The following LRRC8D variants were observed in gnomAD, a reference collection of about 807,000 sequenced individuals.
LRRC8D encodes the protein leucine rich repeat containing 8 VRAC subunit D, also known as volume-regulated anion channel subunit LRRC8D.
A neutral mutation model predicts 55.8 loss-of-function variants in LRRC8D; 20 were observed. The ratio of observed to expected loss-of-function variants is 0.36; its 90% CI spans 0.25 to 0.52. The LOEUF (loss-of-function observed/expected upper bound fraction) is 0.52. LRRC8D is among the 20% of genes least tolerant of loss of function. LRRC8D has a pLI of 0.93. For synonymous variants in LRRC8D, 352 were observed against 377.0 expected, an observed-to-expected ratio of 0.93 and a Z score of 0.77; for missense variants, 651 against 1,030.8, an observed-to-expected ratio of 0.63 and a Z score of 5.05.
chr1:89,931,760 AAAAT>A (rs1008916758), intron 2 of LRRC8D, among the ~76,000 whole-genome samples: 26 of 152,142 alleles, frequency 1.7e-4, no homozygotes, highest in Middle Eastern at 6.8e-3. Context: ...CTCTGTCTCA[AAAAT>A]AAATAAATAA....
chr1:89,935,234 A>G lies in LRRC8D; in HGVS notation c.2166A>G (p.Pro722=), dbSNP rs1308717397. The G allele has an allele frequency of 6.2e-7, 1 of 1,614,138 alleles. No homozygotes were observed. The highest frequency in any genetic ancestry group is 1.1e-5 in the South Asian group (1 of 91,064). Residue 722 remains proline, a synonymous_variant, in exon 3 of 3, where the codon CCA becomes CCG. Transcript: ENST00000337338. ...CTAACAACAAGCTCGAATCCTTACC[A>G]GTGGCAGTATTTAGTTTACAGAAAC... ...YFSNNKLESL[P]VAVFSLQKLR...
At chr1:89,853,916 TTGTG>T (rs1339004720) in intron 2 of LRRC8D, among the ~76,000 whole-genome samples, 1 of 151,118 alleles carries the variant, frequency 6.6e-6, no homozygotes, top group Non-Finnish European at 1.5e-5. Context: ...TTGCGAGGAG[TTGTG>T]TGTATGTGTG....
rs148630744 is a variant in LRRC8D at position 89,835,639 on chromosome 1, G to A, written c.-147-7999G>A. On this transcript the variant is annotated intron_variant, in intron 1 of 2. Transcript: ENST00000337338. ...CATGAGCTCTGTAGTTTACTGCCTG[G>A]GTTTTTACTCTGCCTTTCTAGCCAT... 8.5e-3 allele frequency among the ~76,000 whole-genome samples: 1,300 copies of A among 152,190 alleles called. 20 individuals carry two copies. The highest frequency in any genetic ancestry group is 0.031 in the African/African-American group (1,269 of 41,514).
At chr1:89,925,991 A>G (rs753406327) in intron 2 of LRRC8D, among the ~76,000 whole-genome samples, 18 of 152,250 alleles carry the variant, frequency 1.2e-4, no homozygotes, top group Non-Finnish European at 2.1e-4. Context: ...GGATAGCATT[A>G]AAGTTATTTG....
At chr1:89,930,513 T>C (rs1438690307) in intron 2 of LRRC8D, among the ~76,000 whole-genome samples, 1 of 152,102 alleles carries the variant, frequency 6.6e-6, no homozygotes, top group East Asian at 1.9e-4. Context: ...CCATCATATA[T>C]GCAGTCCATT....
intron 1 of LRRC8D, 21 bp downstream of exon 1, chr1:89,821,312 G>C (rs1252160117): frequency 6.6e-6 from 1 of 152,026 alleles, no homozygotes; most frequent in Non-Finnish European, 1.5e-5. Flanking sequence ...ACCTCTCCCG[G>C]CAGGGGCCGG....
chr1:89,853,920 G>A (rs944954691), intron 2 of LRRC8D, among the ~76,000 whole-genome samples: 4 of 152,162 alleles, frequency 2.6e-5, no homozygotes, highest in Non-Finnish European at 5.9e-5. Flanking sequence ...GAGGAGTTGT[G>A]TGTATGTGTG....
At chr1:89,865,074 C>A (rs1028411652) in intron 2 of LRRC8D, among the ~76,000 whole-genome samples, 1 of 152,164 alleles carries the variant, frequency 6.6e-6, no homozygotes, top group African/African-American at 2.4e-5. Context: ...CATTGATTTG[C>A]CTTTTCTAAT....
intron 2 of LRRC8D, among the ~76,000 whole-genome samples, chr1:89,856,310 A>G (rs931746728): frequency 6.6e-6 from 1 of 152,188 alleles, no homozygotes; most frequent in African/African-American, 2.4e-5. Flanking sequence ...TGAAAAAGGC[A>G]TCTGCTACAG....
At chr1:89,835,651 G>A (rs1188958786) in intron 1 of LRRC8D, among the ~76,000 whole-genome samples, 1 of 152,156 alleles carries the variant, frequency 6.6e-6, no homozygotes, top group Non-Finnish European at 1.5e-5. Flanking sequence ...TTTTTACTCT[G>A]CCTTTCTAGC....
At chr1:89,831,548 G>A (rs1035352184) in intron 1 of LRRC8D, among the ~76,000 whole-genome samples, 2 of 152,114 alleles carry the variant, frequency 1.3e-5, no homozygotes, top group Non-Finnish European at 2.9e-5. Context: ...GGGAAGATTT[G>A]TTCATATCTT....
rs1408056326 is a variant in LRRC8D, at chr1:89,935,695, C to T, written c.*50C>T. On this transcript the variant is annotated 3_prime_UTR_variant, in exon 3 of 3. Transcript: ENST00000337338. ...TGTGCAGGAACAACTTCCTAGATTG[C>T]AAGTGCTCACGTACAAGTTATTACA... 1 of 1,520,738 alleles carries T rather than the reference C, an allele frequency of 6.6e-7. No homozygotes were observed. Among genetic ancestry groups the T allele is most frequent in the African/African-American group, 1.4e-5 (1 of 73,080 alleles). The allele number at this position is 1,520,738 out of a possible 1,614,324, so 94.2% of individuals were successfully genotyped here.
chr1:89,886,298 C>CG (rs112575462), intron 2 of LRRC8D, among the ~76,000 whole-genome samples: 3,872 of 152,198 alleles, frequency 0.025, 159 homozygotes, highest in African/African-American at 0.089. Context: ...GAGCCCCGGA[C>CG]GGGGGAGGTC....
chr1:89,850,349 G>T (rs1661382006), intron 2 of LRRC8D, among the ~76,000 whole-genome samples: 1 of 152,162 alleles, frequency 6.6e-6, no homozygotes, highest in Non-Finnish European at 1.5e-5. Context: ...TGTCATGGGG[G>T]TTTGTTATAC....
At chr1:89,825,606 G>A (rs974754695) in intron 1 of LRRC8D, among the ~76,000 whole-genome samples, 3 of 152,182 alleles carry the variant, frequency 2.0e-5, no homozygotes, top group African/African-American at 7.2e-5. Context: ...TTTAGTGACA[G>A]CCTTATATTT....
At chr1:89,881,847 A>G (rs1009414960) in intron 2 of LRRC8D, among the ~76,000 whole-genome samples, 1 of 152,144 alleles carries the variant, frequency 6.6e-6, no homozygotes, top group Non-Finnish European at 1.5e-5. Context: ...TTGGCCCAGA[A>G]CAGCAAGGCC....
chr1:89,828,934 C>T (rs1660826448), intron 1 of LRRC8D, among the ~76,000 whole-genome samples: 1 of 152,084 alleles, frequency 6.6e-6, no homozygotes, highest in African/African-American at 2.4e-5. Context: ...AAGAAGACAC[C>T]TTTTTCTCTG....
At chr1:89,909,652 G>A (rs1663081539) in intron 2 of LRRC8D, among the ~76,000 whole-genome samples, 1 of 151,974 alleles carries the variant, frequency 6.6e-6, no homozygotes. Context: ...GGATCATGAG[G>A]TCAGGAGATC....
chr1:89,881,425 C>G (rs899630775), intron 2 of LRRC8D, among the ~76,000 whole-genome samples: 4 of 152,138 alleles, frequency 2.6e-5, no homozygotes, highest in Admixed American at 1.3e-4. Flanking sequence ...CTAGGCTAAA[C>G]TAAGGACCCC....
Sources: allele counts gnomAD v4.1 joint callset (sites outside exome capture counted in the v4.1 genomes callset), GRCh38; gene constraint gnomAD v4.1.1; transcripts MANE v1.5; gene names NCBI Gene and HGNC (gene_info 2026-07-23, HGNC 2026-07-21).